The following PPP2R3A variants were observed in gnomAD, a reference collection of about 807,000 sequenced individuals.
PPP2R3A encodes the protein protein phosphatase 2 regulatory subunit B''alpha.
A neutral mutation model predicts 106.9 loss-of-function variants in PPP2R3A; 80 were observed. That is an observed-to-expected ratio of 0.75 (90% CI 0.62 to 0.90). The LOEUF is 0.90. PPP2R3A is among the 40% of genes least tolerant of loss of function. The pLI, the probability that PPP2R3A is intolerant of heterozygous loss-of-function variation, is 0.00. For synonymous variants in PPP2R3A, 483 were observed against 468.3 expected (o/e 1.03, Z -0.41); for missense variants, 1,386 against 1,350.4 (o/e 1.03, Z -0.41).
At chr3:136,109,096 G>A (rs1316946683) in intron 13 of PPP2R3A, among the ~76,000 whole-genome samples, 3 of 152,138 alleles carry the variant, frequency 2.0e-5, no homozygotes, top group Admixed American at 2.0e-4. Flanking sequence ...TTAAAAGAGA[G>A]CAGAACATAA....
At chr3:135,992,616 GGA>G (rs928512876) in intron 1 of PPP2R3A, among the ~76,000 whole-genome samples, 2 of 152,054 alleles carry the variant, frequency 1.3e-5, no homozygotes, top group African/African-American at 4.8e-5. Flanking sequence ...ATGAAATTAG[GGA>G]GAGACACCCC....
Position 136,002,252 on chromosome 3 carries a change from C to T in PPP2R3A, c.754C>T (p.Gln252Ter). ...AAAAAAATGCACAGACATCATAAAACAATGCATAAAGAAAAAATCAGGGAG... is the reference window on the plus strand; with the variant it reads ...AAAAAAATGCACAGACATCATAAAATAATGCATAAAGAAAAAATCAGGGAG... ...DLKKCTDIIK[Q>*]CIKKKSGSSI... is the part of the protein sequence containing the mutation. Residue 252 changes from glutamine (Q) to a stop codon, truncating the protein, a stop_gained, in exon 2 of 14, where the codon CAA (glutamine) becomes TAA (stop). Coordinates refer to ENST00000264977, the MANE Select transcript of PPP2R3A (RefSeq NM_002718.5). LOFTEE classifies it high-confidence loss of function. 1.9e-6 allele frequency: 3 copies of T among 1,613,740 alleles called. No individual in the cohort carries two copies. Among genetic ancestry groups the T allele is most frequent in the Non-Finnish European group, 2.5e-6 (3 of 1,179,900 alleles).
rs1935595862 is a variant in PPP2R3A, at chr3:136,049,387, G to C, written c.2469+26G>C. 13 of 1,546,228 alleles carry C rather than the reference G, an allele frequency of 8.4e-6. No individual in the cohort carries two copies. In the Middle Eastern group the frequency reaches 5.1e-4, roughly 61 times the overall value. On this transcript the variant is annotated intron_variant, in intron 5 of 13. Transcript: ENST00000264977. ...GTAATTTTCATCTCCTTTTGAAAAT[G>C]GGTTCTAATTTTGGAGTTTCAGCAG...
At chr3:135,999,875 G>A (rs1285276650) in intron 1 of PPP2R3A, among the ~76,000 whole-genome samples, 1 of 152,122 alleles carries the variant, frequency 6.6e-6, no homozygotes, top group Non-Finnish European at 1.5e-5. Flanking sequence ...CCGGGTTCAA[G>A]ACATTCTCCT....
chr3:136,057,267 C>T (rs1382845272), intron 5 of PPP2R3A, among the ~76,000 whole-genome samples: 1 of 152,078 alleles, frequency 6.6e-6, no homozygotes, highest in Non-Finnish European at 1.5e-5. Context: ...TATGGAACCC[C>T]CCAAGTGCCA....
intron 13 of PPP2R3A, among the ~76,000 whole-genome samples, chr3:136,133,845 G>A (rs1480318700): frequency 8.9e-5 from 13 of 145,766 alleles, no homozygotes; most frequent in African/African-American, 3.3e-4. Context: ...AGCTGAGATT[G>A]TGCCATTGCA....
At chr3:136,098,350 A>T (rs1199857799) in intron 10 of PPP2R3A, among the ~76,000 whole-genome samples, 1 of 152,246 alleles carries the variant, frequency 6.6e-6, no homozygotes, top group Non-Finnish European at 1.5e-5. Context: ...CAAGTATTAC[A>T]TGTTCAATTT....
intron 1 of PPP2R3A, among the ~76,000 whole-genome samples, 190 bp downstream of exon 1, chr3:135,966,039 G>A (rs901690970): frequency 6.6e-6 from 1 of 151,888 alleles, no homozygotes; most frequent in East Asian, 2.0e-4. Flanking sequence ...ATTCCAGTCG[G>A]TGCGGTGCGG....
chr3:136,133,595 TG>T (rs1408858071), intron 13 of PPP2R3A, among the ~76,000 whole-genome samples: 17 of 152,126 alleles, frequency 1.1e-4, no homozygotes, highest in Admixed American at 5.2e-4. Context: ...ATTTGGCTTA[TG>T]AATCAATAAT....
In PPP2R3A at chr3:136,136,330, A is replaced by G. The variant is rs369018197; in HGVS notation, c.3330-8713A>G. ...CAATAAACAATGGCTATTTATTGCTACCACTTTTGTGATCACATTACCTAA... is the reference window on the plus strand; with the variant it reads ...CAATAAACAATGGCTATTTATTGCTGCCACTTTTGTGATCACATTACCTAA... On this transcript the variant is annotated intron_variant, in intron 13 of 13. Coordinates refer to ENST00000264977, the MANE Select transcript of PPP2R3A (RefSeq NM_002718.5). 1.6e-3 allele frequency among the ~76,000 whole-genome samples: 251 copies of G among 152,172 alleles called. No homozygotes were observed. The South Asian group carries it at 0.023, about 14-fold the overall frequency.
chr3:136,122,144 C>A (rs1031315984), intron 13 of PPP2R3A, among the ~76,000 whole-genome samples: 32 of 152,098 alleles, frequency 2.1e-4, no homozygotes, highest in African/African-American at 6.8e-4. Context: ...ATTAGGCAAT[C>A]CATTCAAGAT....
chr3:135,991,794 C>G (rs1425631417), intron 1 of PPP2R3A, among the ~76,000 whole-genome samples: 1 of 152,138 alleles, frequency 6.6e-6, no homozygotes, highest in East Asian at 1.9e-4. Flanking sequence ...CCACCTGGTG[C>G]TTTTTCCCCT....
intron 3 of PPP2R3A, among the ~76,000 whole-genome samples, chr3:136,039,730 GC>G: frequency 6.6e-6 from 1 of 152,128 alleles, no homozygotes; most frequent in Non-Finnish European, 1.5e-5. Context: ...TGTGTCCATG[GC>G]CTGGGACTTG....
intron 3 of PPP2R3A, among the ~76,000 whole-genome samples, chr3:136,028,197 A>G (rs1559876528): frequency 6.6e-6 from 1 of 152,176 alleles, no homozygotes; most frequent in African/African-American, 2.4e-5. Flanking sequence ...TTGAAGACCT[A>G]GCTTCCATTG....
chr3:136,007,578 G>A (rs1933893959), intron 2 of PPP2R3A, among the ~76,000 whole-genome samples: 1 of 152,208 alleles, frequency 6.6e-6, no homozygotes, highest in African/African-American at 2.4e-5. Context: ...TCATGTGAGT[G>A]TAGATTGTTT....
intron 8 of PPP2R3A, among the ~76,000 whole-genome samples, chr3:136,087,093 A>G (rs1349674804): frequency 6.6e-6 from 1 of 152,194 alleles, no homozygotes; most frequent in Non-Finnish European, 1.5e-5. Flanking sequence ...AATCCCAGCT[A>G]CTTGGGAAGC....
At chr3:136,144,007 A>C (rs1478300014) in intron 13 of PPP2R3A, among the ~76,000 whole-genome samples, 1 of 152,190 alleles carries the variant, frequency 6.6e-6, no homozygotes, top group Non-Finnish European at 1.5e-5. Flanking sequence ...GCTGATGTAC[A>C]TTTTTCTGAT....
At chr3:136,073,120 ACC>A (rs1936486873) in intron 6 of PPP2R3A, among the ~76,000 whole-genome samples, 3 of 151,672 alleles carry the variant, frequency 2.0e-5, no homozygotes, top group Admixed American at 2.0e-4. Context: ...GGCGCCCACC[ACC>A]ACGCCCGGCT....
At chr3:136,028,947 G>T (rs1934763544) in intron 3 of PPP2R3A, among the ~76,000 whole-genome samples, 1 of 152,134 alleles carries the variant, frequency 6.6e-6, no homozygotes, top group Non-Finnish European at 1.5e-5. Context: ...CCACCTCCCA[G>T]ATTCAAGCGA....
Sources: allele counts gnomAD v4.1 joint callset (sites outside exome capture counted in the v4.1 genomes callset), GRCh38; gene constraint gnomAD v4.1.1; transcripts MANE v1.5; gene names NCBI Gene and HGNC (gene_info 2026-07-23, HGNC 2026-07-21).